The following ZNF423 variants were observed in gnomAD, a reference collection of about 807,000 sequenced individuals.
ZNF423 encodes the protein Ebf-associated zinc finger protein.
Under a neutral mutation model 95.8 loss-of-function variants are expected in ZNF423, and 12 were observed. The ratio of observed to expected loss-of-function variants is 0.13; its 90% CI spans 0.08 to 0.20. The LOEUF is 0.20. ZNF423 is among the 10% of genes least tolerant of loss of function. The pLI, the probability that ZNF423 is intolerant of heterozygous loss-of-function variation, is 1.00. For missense variants in ZNF423, 1,316 were observed against 1,737.1 expected, an observed-to-expected ratio of 0.76 and a Z score of 4.31; for synonymous variants, 749 against 711.9, an observed-to-expected ratio of 1.05 and a Z score of -0.83.
intron 2 of ZNF423, among the ~76,000 whole-genome samples, chr16:49,779,094 G>A (rs1384687526): frequency 6.6e-6 from 1 of 152,062 alleles, no homozygotes; most frequent in Non-Finnish European, 1.5e-5. Context: ...TACAGACGAA[G>A]AAGTAGAGGT....
chr16:49,626,939 A>G lies in ZNF423; in HGVS notation c.3517-685T>C, dbSNP rs111070961. The stretch of plus-strand genomic sequence containing the variant: ...TTCATCTACATACACACCCACCAAT[A>G]GACCCATCCATCCATCCTCCATCTA... On this transcript the variant is annotated intron_variant, in intron 4 of 7. Coordinates refer to ENST00000563137, the MANE Select transcript of ZNF423 (RefSeq NM_001379286.1). 2.5e-3 allele frequency among the ~76,000 whole-genome samples: 258 copies of G among 101,532 alleles called. 8 individuals carry two copies. The East Asian group carries it at 0.065, about 25-fold the overall frequency. 66.6% of individuals were successfully genotyped at this position (101,532 alleles called of 152,430 possible). A position where few individuals can be genotyped will look rare whatever the true frequency, so the allele number is the denominator to read the frequency against.
chr16:49,608,185 A>G (rs1234378594), intron 5 of ZNF423, among the ~76,000 whole-genome samples: 1 of 152,216 alleles, frequency 6.6e-6, no homozygotes, highest in South Asian at 2.1e-4. Flanking sequence ...AACCAGAGTG[A>G]GAAGGACCAT....
chr16:49,491,406 C>G (rs2151640729), intron 7 of ZNF423, 102 bp from the exon 8 acceptor site: 1 of 1,446,372 alleles, frequency 6.9e-7, no homozygotes, highest in East Asian at 2.3e-5. Context: ...AGAAAAGCGT[C>G]TCGATTATAA....
chr16:49,623,992 C>T (rs1311443559), intron 5 of ZNF423, among the ~76,000 whole-genome samples: 1 of 152,304 alleles, frequency 6.6e-6, no homozygotes, highest in African/African-American at 2.4e-5. Flanking sequence ...GAGCAAACTC[C>T]AACTCTCATA....
intron 2 of ZNF423, among the ~76,000 whole-genome samples, chr16:49,736,219 G>T (rs2033282630): frequency 6.6e-6 from 1 of 152,204 alleles, no homozygotes; most frequent in South Asian, 2.1e-4. Context: ...TTTATTGTCT[G>T]ACGATAAGTA....
chr16:49,646,558 ATTTTCTTTTCTTTTTCTTTTTTTT>A (rs1973175164), intron 3 of ZNF423, among the ~76,000 whole-genome samples: 1 of 128,904 alleles, frequency 7.8e-6, no homozygotes, highest in Admixed American at 8.1e-5. Context: ...TTTATGGCAC[ATTTTCTTTTCTTTTTCTTTTTTTT>A]TTTTTTGAGA....
intron 7 of ZNF423, among the ~76,000 whole-genome samples, chr16:49,515,053 A>G (rs1034459595): frequency 1.3e-5 from 2 of 152,266 alleles, no homozygotes; most frequent in Non-Finnish European, 2.9e-5. Flanking sequence ...TGGCAGCACC[A>G]TGAACCTGAG....
intron 2 of ZNF423, among the ~76,000 whole-genome samples, chr16:49,732,595 A>C (rs2033194835): frequency 6.6e-6 from 1 of 152,250 alleles, no homozygotes; most frequent in Non-Finnish European, 1.5e-5. Flanking sequence ...TACATGCAAC[A>C]TCACAGTTAC....
chr16:49,558,882 C>T (rs1446988453), intron 5 of ZNF423, among the ~76,000 whole-genome samples: 2 of 152,188 alleles, frequency 1.3e-5, no homozygotes, highest in Non-Finnish European at 2.9e-5. Flanking sequence ...TACCTGGAAG[C>T]GAGCGGGGTT....
rs569962115 is a variant in ZNF423, at chr16:49,663,975, G to A, written c.302-25101C>T. On this transcript the variant is annotated intron_variant, in intron 3 of 7. Transcript: ENST00000563137. Reference sequence around the variant, plus strand: ...CTGAGCAAACATTCCACTCCCCAACGCGCCGGGAGCCTCTAAGGGGACTCG... The same window carrying A: ...CTGAGCAAACATTCCACTCCCCAACACGCCGGGAGCCTCTAAGGGGACTCG... The A allele has an allele frequency of 3.2e-5, 23 of 712,228 alleles. No homozygotes were observed. The East Asian group carries it at 5.3e-4, about 16-fold the overall frequency. 44.1% of individuals were successfully genotyped at this position (712,228 alleles called of 1,614,324 possible). A position where few individuals can be genotyped will look rare whatever the true frequency, so the allele number is the denominator to read the frequency against.
chr16:49,696,986 G>A (rs1382623397), intron 3 of ZNF423, among the ~76,000 whole-genome samples: 3 of 152,210 alleles, frequency 2.0e-5, no homozygotes, highest in Non-Finnish European at 2.9e-5. Flanking sequence ...CCCTGTCAAG[G>A]AGACAAAGCT....
intron 2 of ZNF423, among the ~76,000 whole-genome samples, chr16:49,785,589 C>G (rs1000029036): frequency 6.6e-6 from 1 of 152,208 alleles, no homozygotes; most frequent in Non-Finnish European, 1.5e-5. Flanking sequence ...GAAAATCCAG[C>G]TTTCTGGCTT....
intron 1 of ZNF423, among the ~76,000 whole-genome samples, chr16:49,805,415 G>A (rs2034647090): frequency 6.6e-6 from 1 of 152,108 alleles, no homozygotes; most frequent in African/African-American, 2.4e-5. Context: ...AAAAACCAGG[G>A]GCTAAACTAA....
At chr16:49,848,993 G>T (rs1448045591) in intron 1 of ZNF423, among the ~76,000 whole-genome samples, 2 of 152,134 alleles carry the variant, frequency 1.3e-5, no homozygotes, top group Admixed American at 6.5e-5. Flanking sequence ...AAGATAGGGG[G>T]CAGGCATCTA....
chr16:49,817,819 G>A (rs897738768), intron 1 of ZNF423, among the ~76,000 whole-genome samples: 12 of 152,128 alleles, frequency 7.9e-5, no homozygotes, highest in African/African-American at 2.9e-4. Context: ...TGAGTGTGTC[G>A]CAAGGTGTGG....
At chr16:49,555,553 A>AGTGTTC (rs1163079372) in intron 5 of ZNF423, among the ~76,000 whole-genome samples, 11 of 152,270 alleles carry the variant, frequency 7.2e-5, no homozygotes, top group Non-Finnish European at 1.6e-4. Context: ...AAGGTAGGAC[A>AGTGTTC]TTAATTCAAG....
At chr16:49,674,358 G>A (rs1361487250) in intron 3 of ZNF423, among the ~76,000 whole-genome samples, 2 of 152,184 alleles carry the variant, frequency 1.3e-5, no homozygotes, top group Admixed American at 1.3e-4. Flanking sequence ...CACGCAGTGT[G>A]TTCTCGGCTG....
chr16:49,676,644 T>C (rs756536511), intron 3 of ZNF423, among the ~76,000 whole-genome samples: 1 of 152,148 alleles, frequency 6.6e-6, no homozygotes, highest in Non-Finnish European at 1.5e-5. Flanking sequence ...CTGACACTCA[T>C]ACACAAATGT....
intron 2 of ZNF423, among the ~76,000 whole-genome samples, chr16:49,734,009 A>C (rs948304480): frequency 4.6e-5 from 7 of 152,230 alleles, no homozygotes; most frequent in Non-Finnish European, 8.8e-5. Flanking sequence ...TCGAATCTAC[A>C]CGTTCACGTG....
Sources: allele counts gnomAD v4.1 joint callset (sites outside exome capture counted in the v4.1 genomes callset), GRCh38; gene constraint gnomAD v4.1.1; transcripts MANE v1.5; gene names NCBI Gene and HGNC (gene_info 2026-07-23, HGNC 2026-07-21).